CLEC3A: variants seen among roughly 807,000 people sequenced by gnomAD.
CLEC3A encodes the protein C-type (calcium dependent, carbohydrate-recognition domain) lectin, superfamily member 1 (cartilage-derived).
In CLEC3A, 28 loss-of-function variants were observed where a neutral mutation model predicts 20.4. The observed-to-expected ratio is 1.37, with a 90% confidence interval of 1.02 to 1.88. The LOEUF is 1.88. Ranked by LOEUF, CLEC3A falls within the 40% of genes most tolerant of loss-of-function variation. The pLI, the probability that CLEC3A is intolerant of heterozygous loss-of-function variation, is 0.00. For missense variants in CLEC3A, 357 were observed against 240.4 expected (o/e 1.48, Z -3.21); for synonymous variants, 110 against 88.1 (o/e 1.25, Z -1.39).
In CLEC3A at chr16:78,030,996, A is replaced by G; in HGVS notation, c.*155A>G. ...ATGATAGCATCAGCCAATTTTGCTA[A>G]CACATTTCTTTGGGATTTTGCCCTT... is the stretch of plus-strand genomic sequence containing the variant. On this transcript the variant is annotated 3_prime_UTR_variant, in exon 3 of 3. Coordinates refer to ENST00000299642, the MANE Select transcript of CLEC3A (RefSeq NM_005752.6). The G allele has an allele frequency of 1.2e-6, 1 of 818,998 alleles. No individual in the cohort carries two copies. The highest frequency in any genetic ancestry group is 2.0e-5 in the South Asian group (1 of 50,046). The allele number at this position is 818,998 out of a possible 1,614,324, so 50.7% of individuals were successfully genotyped here.
In CLEC3A at chr16:78,024,473, C is replaced by G. The variant is rs2018787807; in HGVS notation, c.115+1732C>G. Among the ~76,000 whole-genome samples, 3 of 152,046 alleles carry G rather than the reference C, an allele frequency of 2.0e-5. No homozygotes were observed. The South Asian group carries it at 6.2e-4, about 32-fold the overall frequency. On this transcript the variant is annotated intron_variant, in intron 1 of 2. Transcript: ENST00000299642. ...CCCCCTTCTTCCCCACTGCCTCTGT[C>G]ATAACCACATGTGCATGCACATGCT...
At chr16:78,023,286 A>C (rs2018773229) in intron 1 of CLEC3A, among the ~76,000 whole-genome samples, 1 of 152,178 alleles carries the variant, frequency 6.6e-6, no homozygotes, top group Non-Finnish European at 1.5e-5. Context: ...TATACCATAT[A>C]TTTAAACTTT....
At chr16:78,027,144 T>C (rs1038106793) in intron 1 of CLEC3A, among the ~76,000 whole-genome samples, 1 of 152,166 alleles carries the variant, frequency 6.6e-6, no homozygotes, top group Admixed American at 6.5e-5. Flanking sequence ...GACAATATTA[T>C]GAACACCTAT....
At chr16:78,025,849 C>A (rs2029898490) in intron 1 of CLEC3A, among the ~76,000 whole-genome samples, 1 of 152,010 alleles carries the variant, frequency 6.6e-6, no homozygotes, top group Admixed American at 6.5e-5. Flanking sequence ...AATTTCATAA[C>A]CATCTCCCAG....
At chr16:78,026,104 G>A (rs914150078) in intron 1 of CLEC3A, among the ~76,000 whole-genome samples, 1 of 152,120 alleles carries the variant, frequency 6.6e-6, no homozygotes, top group Admixed American at 6.5e-5. Flanking sequence ...TGGTCACACA[G>A]GTAAAAATCT....
Position 78,030,312 on chromosome 16 carries a change from C to T in CLEC3A, c.200-135C>T, listed in dbSNP as rs1026594564. 6.4e-6 allele frequency: 5 copies of T among 783,538 alleles called. No individual in the cohort carries two copies. In the African/African-American group the frequency reaches 6.9e-5, roughly 11 times the overall value. 48.5% of individuals were successfully genotyped at this position (783,538 alleles called of 1,614,324 possible). A position where few individuals can be genotyped will look rare whatever the true frequency, so the allele number is the denominator to read the frequency against. Reference sequence around the variant, plus strand: ...AAAATGCTTAGCATGTTGTCCGGCACATAGAAAATTTTAACTGTTGTCTCA... The same window carrying T: ...AAAATGCTTAGCATGTTGTCCGGCATATAGAAAATTTTAACTGTTGTCTCA... On this transcript the variant is annotated intron_variant, in intron 2 of 2. Transcript: ENST00000299642.
intron 2 of CLEC3A, among the ~76,000 whole-genome samples, chr16:78,029,527 T>C (rs1396400426): frequency 2.6e-5 from 4 of 151,894 alleles, no homozygotes; most frequent in Admixed American, 2.6e-4. Context: ...CACCACCACA[T>C]CCAGCTAATT....
intron 1 of CLEC3A, among the ~76,000 whole-genome samples, chr16:78,025,311 C>T (rs1413326864): frequency 6.6e-6 from 1 of 152,192 alleles, no homozygotes; most frequent in Non-Finnish European, 1.5e-5. Context: ...AATCTGATCT[C>T]TCCCAATACA....
chr16:78,027,553 C>T (rs1351325118), intron 1 of CLEC3A, among the ~76,000 whole-genome samples: 1 of 152,184 alleles, frequency 6.6e-6, no homozygotes, highest in Middle Eastern at 3.2e-3. Context: ...ACAGAAGGAC[C>T]TTCTAGTATT....
At chr16:78,028,055 A>T in intron 1 of CLEC3A, 52 bp from the exon 2 acceptor site, 1 of 1,225,690 alleles carries the variant, frequency 8.2e-7, no homozygotes, top group Non-Finnish European at 1.2e-6. Context: ...ATTTTATTTT[A>T]ATCATACGCT....
At position 78,022,656 on chromosome 16, in the gene CLEC3A, C is replaced by G; in HGVS notation, c.30C>G (p.Ile10Met). Residue 10 changes from isoleucine to methionine, a missense_variant, in exon 1 of 3, where the codon ATC (isoleucine) becomes ATG (methionine). Ile to Met is a conservative substitution (Grantham distance 10). Coordinates refer to ENST00000299642, the MANE Select transcript of CLEC3A (RefSeq NM_005752.6). Reference protein sequence around the residue: MAKNGLVICILVITLLLDQT... With the variant: MAKNGLVICMLVITLLLDQT... Reference sequence around the variant, plus strand: ...CAAAGAATGGACTTGTAATTTGCATCCTGGTGATCACCTTACTCCTGGACC... The same window carrying G: ...CAAAGAATGGACTTGTAATTTGCATGCTGGTGATCACCTTACTCCTGGACC... 1 of 1,614,128 alleles carries G rather than the reference C, an allele frequency of 6.2e-7. No homozygotes were observed. Among genetic ancestry groups the G allele is most frequent in the Non-Finnish European group, 8.5e-7 (1 of 1,180,018 alleles).
rs1242756764 is a variant in CLEC3A, at chr16:78,032,085, C to T, written c.*1244C>T. On this transcript the variant is annotated 3_prime_UTR_variant, in exon 3 of 3. Transcript: ENST00000299642. ...TGTTTTCATTGCTCAATAATAAAGC[C>T]TGAATTCTGATCAATAGAAAATGTG... 6.6e-6 allele frequency: 1 copy of T among 152,504 alleles called. No homozygotes were observed. The highest frequency in any genetic ancestry group is 1.9e-4 in the East Asian group (1 of 5,186). 9.4% of individuals were successfully genotyped at this position (152,504 alleles called of 1,614,324 possible).
intron 2 of CLEC3A, among the ~76,000 whole-genome samples, 178 bp downstream of exon 2, chr16:78,028,368 C>A (rs560846388): frequency 4.6e-5 from 7 of 152,200 alleles, no homozygotes; most frequent in Non-Finnish European, 1.0e-4. Flanking sequence ...CAATCCCATT[C>A]TCCTATATAT....
chr16:78,027,239 T>C (rs1033084205), intron 1 of CLEC3A, among the ~76,000 whole-genome samples: 2 of 152,096 alleles, frequency 1.3e-5, no homozygotes, highest in Non-Finnish European at 2.9e-5. Flanking sequence ...AAAGAAAATA[T>C]ACAGAATACT....
At chr16:78,028,406 T>G (rs536184857) in intron 2 of CLEC3A, among the ~76,000 whole-genome samples, 1 of 152,194 alleles carries the variant, frequency 6.6e-6, no homozygotes, top group Non-Finnish European at 1.5e-5. Flanking sequence ...AAATAAGTAG[T>G]TCAGGAATAA....
intron 1 of CLEC3A, among the ~76,000 whole-genome samples, chr16:78,023,206 G>A (rs2735401): frequency 6.6e-6 from 1 of 152,012 alleles, no homozygotes; most frequent in African/African-American, 2.4e-5. Flanking sequence ...TTTTGGTAAT[G>A]GTGACTTCCT....
chr16:78,029,632 T>G (rs1035382470), intron 2 of CLEC3A, among the ~76,000 whole-genome samples: 2 of 152,080 alleles, frequency 1.3e-5, no homozygotes, highest in African/African-American at 4.8e-5. Flanking sequence ...CCTCCCTAAG[T>G]GCTGGGATTA....
At chr16:78,024,450 C>T (rs955447902) in intron 1 of CLEC3A, among the ~76,000 whole-genome samples, 1 of 152,086 alleles carries the variant, frequency 6.6e-6, no homozygotes, top group African/African-American at 2.4e-5. Context: ...CTTCTTTACC[C>T]CCTTCTTCCC....
rs1412494088 is a variant in CLEC3A, at chr16:78,030,585, C to A, written c.338C>A (p.Ala113Asp). The change falls in exon 3 of 3, where the codon GCC becomes GAC. Residue 113 changes from alanine to aspartate, a missense_variant. By Grantham distance (126) the Ala-to-Asp change is moderately radical (BLOSUM62 -2). Coordinates refer to ENST00000299642, the MANE Select transcript of CLEC3A (RefSeq NM_005752.6). The part of the protein sequence containing the change: ...VIPRNSDEIN[A>D]LQDYGKRSLP... ...CCCAGGAACTCCGACGAAATCAACG[C>A]CCTCCAAGACTATGGTAAAAGGAGC... is the stretch of plus-strand genomic sequence containing the variant. 6.2e-7 allele frequency: 1 copy of A among 1,614,158 alleles called. No individual in the cohort carries two copies. Among genetic ancestry groups the A allele is most frequent in the African/African-American group, 1.3e-5 (1 of 75,036 alleles).
Sources: allele counts gnomAD v4.1 joint callset (sites outside exome capture counted in the v4.1 genomes callset), GRCh38; gene constraint gnomAD v4.1.1; transcripts MANE v1.5; gene names NCBI Gene and HGNC (gene_info 2026-07-23, HGNC 2026-07-21).